SDR42E1: variants seen among roughly 807,000 people sequenced by gnomAD.
SDR42E1 encodes the protein short chain dehydrogenase/reductase family 42E, member 1, also known as short-chain dehydrogenase/reductase family 42E member 1.
A neutral mutation model predicts 2.6 loss-of-function variants in SDR42E1; 5 were observed. That is an observed-to-expected ratio of 1.94 (90% CI 1.01 to 4.08). The LOEUF is 4.08. SDR42E1 is among the 30% of genes most tolerant of loss of function. The pLI, the probability that SDR42E1 is intolerant of heterozygous loss-of-function variation, is 0.00. For missense variants in SDR42E1, 596 were observed against 478.6 expected (o/e 1.25, Z -2.29); for synonymous variants, 231 against 188.3 (o/e 1.23, Z -1.86).
In SDR42E1 at chr16:82,006,354, G is replaced by A. The variant is rs552515043; in HGVS notation, c.-27+5033C>T. ...AATATATTCATGCTAGAGGGCTTAC[G>A]AAATGGTGCTGTTCAAATTCCATGC... On this transcript the variant is annotated intron_variant, in intron 1 of 2. Coordinates refer to ENST00000328945, the MANE Select transcript of SDR42E1 (RefSeq NM_145168.3). 1.2e-3 allele frequency among the ~76,000 whole-genome samples: 179 copies of A among 152,332 alleles called. 3 individuals carry two copies. The highest frequency in any genetic ancestry group is 0.012 in the Admixed American group (177 of 15,300).
At chr16:82,005,790 T>C (rs1241158276) in intron 1 of SDR42E1, among the ~76,000 whole-genome samples, 1 of 152,210 alleles carries the variant, frequency 6.6e-6, no homozygotes, top group East Asian at 1.9e-4. Context: ...GCAGTCATTT[T>C]AGTGGATACA....
At chr16:82,001,959 T>TACACACACACACACAC (rs200680543) in intron 1 of SDR42E1, among the ~76,000 whole-genome samples, 2 of 131,130 alleles carry the variant, frequency 1.5e-5, no homozygotes, top group African/African-American at 7.9e-5. Flanking sequence ...ACTGGGTGCG[T>TACACACACACACACAC]ATACACACAC....
In SDR42E1 at chr16:81,990,642, G is replaced by C. The variant is rs1416309981; in HGVS notation, c.*8469C>G. 1 of 152,210 alleles carries C rather than the reference G, an allele frequency of 6.6e-6. No homozygotes were observed. The highest frequency in any genetic ancestry group is 2.4e-5 in the African/African-American group (1 of 41,432). 9.4% of individuals were successfully genotyped at this position (152,210 alleles called of 1,614,324 possible). Reference sequence around the variant, plus strand: ...TACAAGTTCCCCCAAGAGATAAGCAGGGAATGTTTTATCTCCACTTTACAG... The same window carrying C: ...TACAAGTTCCCCCAAGAGATAAGCACGGAATGTTTTATCTCCACTTTACAG... On this transcript the variant is annotated 3_prime_UTR_variant, in exon 3 of 3. Transcript: ENST00000328945.
At chr16:82,008,134 G>C (rs1913009634) in intron 1 of SDR42E1, among the ~76,000 whole-genome samples, 1 of 152,234 alleles carries the variant, frequency 6.6e-6, no homozygotes, top group Non-Finnish European at 1.5e-5. Context: ...CAGCCACCAT[G>C]TAAGACGTGA....
Position 81,992,451 on chromosome 16 carries a change from C to T in SDR42E1, c.*6660G>A, listed in dbSNP as rs1203866235. On this transcript the variant is annotated 3_prime_UTR_variant, in exon 3 of 3. Coordinates refer to ENST00000328945, the MANE Select transcript of SDR42E1 (RefSeq NM_145168.3). ...TATTATCTATTCAGGACACTAACTC[C>T]TAGTGACTGTTAAGAGCAAAAGACG... 1 of 152,126 alleles carries T rather than the reference C, an allele frequency of 6.6e-6. No individual in the cohort carries two copies. Among genetic ancestry groups the T allele is most frequent in the Non-Finnish European group, 1.5e-5 (1 of 68,020 alleles). 9.4% of individuals were successfully genotyped at this position (152,126 alleles called of 1,614,324 possible).
chr16:81,999,918 A>G lies in SDR42E1; in HGVS notation c.375T>C (p.Asn125=). 1.9e-6 allele frequency: 3 copies of G among 1,614,236 alleles called. No individual in the cohort carries two copies. Among genetic ancestry groups the G allele is most frequent in the Non-Finnish European group, 2.5e-6 (3 of 1,180,030 alleles). Residue 125 remains asparagine, a synonymous_variant, in exon 3 of 3, where the codon AAT becomes AAC. Transcript: ENST00000328945. ...VPRLVYTSTF[N]VIFGGQVIRN... ...TGATAACTTGACCTCCAAAGATGAC[A>G]TTGAAAGTGCTGGTGTAAACTAACC...
chr16:82,001,963 C>T lies in SDR42E1; in HGVS notation c.-26-1079G>A, dbSNP rs1226909693. Reference sequence around the variant, plus strand: ...TCCTCAAAGGCACTGGGTGCGTATACACACACACACACACACACACACACA... The same window carrying T: ...TCCTCAAAGGCACTGGGTGCGTATATACACACACACACACACACACACACA... On this transcript the variant is annotated intron_variant, in intron 1 of 2. Transcript: ENST00000328945. Among the ~76,000 whole-genome samples, 9 of 136,912 alleles carry T rather than the reference C, an allele frequency of 6.6e-5. 1 individual carries two copies. Among genetic ancestry groups the T allele is most frequent in the South Asian group, 2.3e-4 (1 of 4,434 alleles). The allele number at this position is 136,912 out of a possible 152,430, so 89.8% of individuals were successfully genotyped here.
In SDR42E1 at chr16:82,000,258, C is replaced by A. The variant is rs749383790; in HGVS notation, c.69-34G>T. On this transcript the variant is annotated intron_variant, in intron 2 of 2. Transcript: ENST00000328945. ...AGAAACAGTAAACGTTGAATCAAGT[C>A]ACTCTTAAGCTGTGCCTAGGGGAAG... 6 of 1,599,016 alleles carry A rather than the reference C, an allele frequency of 3.8e-6. No homozygotes were observed. The Admixed American group carries it at 8.3e-5, about 22-fold the overall frequency.
intron 1 of SDR42E1, among the ~76,000 whole-genome samples, chr16:82,001,121 G>A (rs56349359): frequency 0.029 from 4,422 of 152,282 alleles, 235 homozygotes; most frequent in African/African-American, 0.1. Context: ...AGGTTAATGT[G>A]GAGGTTAAAT....
chr16:82,008,375 AAC>A, intron 1 of SDR42E1, among the ~76,000 whole-genome samples: 1 of 152,268 alleles, frequency 6.6e-6, no homozygotes, highest in Non-Finnish European at 1.5e-5. Flanking sequence ...CAAAGCCTGC[AAC>A]AGTTTGGAGG....
rs1453581127 is a variant in SDR42E1, at chr16:81,989,503, G to A, written c.*9608C>T. 1 of 152,220 alleles carries A rather than the reference G, an allele frequency of 6.6e-6. No homozygotes were observed. Among genetic ancestry groups the A allele is most frequent in the African/African-American group, 2.4e-5 (1 of 41,462 alleles). 9.4% of individuals were successfully genotyped at this position (152,220 alleles called of 1,614,324 possible). ...AGTTACACAGAAGCACTCTGAATGT[G>A]TAGAAATAAAAGCTTGATGATTTTG... On this transcript the variant is annotated 3_prime_UTR_variant, in exon 3 of 3. Coordinates refer to ENST00000328945, the MANE Select transcript of SDR42E1 (RefSeq NM_145168.3).
rs148157529 is a variant in SDR42E1, at chr16:81,989,558, C to A, written c.*9553G>T. 6.6e-6 allele frequency: 1 copy of A among 152,210 alleles called. No homozygotes were observed. Among genetic ancestry groups the A allele is most frequent in the African/African-American group, 2.4e-5 (1 of 41,458 alleles). 9.4% of individuals were successfully genotyped at this position (152,210 alleles called of 1,614,324 possible). ...GGCTTTCTAGCCCCACAATTTAAAA[C>A]CAACACACACCGCTATGGGTGTTTA... On this transcript the variant is annotated 3_prime_UTR_variant, in exon 3 of 3. Coordinates refer to ENST00000328945, the MANE Select transcript of SDR42E1 (RefSeq NM_145168.3).
Position 81,993,757 on chromosome 16 carries a change from C to T in SDR42E1, c.*5354G>A, listed in dbSNP as rs747342266. 4.6e-5 allele frequency: 7 copies of T among 152,122 alleles called. No individual in the cohort carries two copies. Among genetic ancestry groups the T allele is most frequent in the Admixed American group, 2.0e-4 (3 of 15,274 alleles). 9.4% of individuals were successfully genotyped at this position (152,122 alleles called of 1,614,324 possible). On this transcript the variant is annotated 3_prime_UTR_variant, in exon 3 of 3. Coordinates refer to ENST00000328945, the MANE Select transcript of SDR42E1 (RefSeq NM_145168.3). ...AGACATGGTTCCTGCTCTCATGGGG[C>T]GTTTATGTTCTGGGGAGCAAATCAC...
intron 1 of SDR42E1, among the ~76,000 whole-genome samples, chr16:82,003,475 G>C (rs571538546): frequency 1.3e-5 from 2 of 152,284 alleles, no homozygotes; most frequent in South Asian, 4.1e-4. Context: ...TCCATGACCT[G>C]GTCACAATTT....
chr16:82,000,375 C>T (rs779095729), intron 2 of SDR42E1, 151 bp from the exon 3 acceptor site: 1 of 942,672 alleles, frequency 1.1e-6, no homozygotes, highest in Non-Finnish European at 1.7e-6. Flanking sequence ...TTGGTGCAAG[C>T]CTCGCTTCTT....
Position 81,999,559 on chromosome 16 carries a change from T to TG in SDR42E1, c.733dup (p.His245ProfsTer20), listed in dbSNP as rs777875671. The TG allele has an allele frequency of 6.2e-7, 1 of 1,614,156 alleles. No individual in the cohort carries two copies. Among genetic ancestry groups the TG allele is most frequent in the Non-Finnish European group, 8.5e-7 (1 of 1,180,034 alleles). On this transcript the variant is annotated frameshift_variant, in exon 3 of 3. Coordinates refer to ENST00000328945, the MANE Select transcript of SDR42E1 (RefSeq NM_145168.3). LOFTEE classifies it low-confidence loss of function (END_TRUNC). ...GAAGTAGGGCTGCCCAGAGGCAATATGGCCCTTGTCAGCTCTCAGGGCTTC... is the reference window on the plus strand; with the variant it reads ...GAAGTAGGGCTGCCCAGAGGCAATATGGGCCCTTGTCAGCTCTCAGGGCTTC...
chr16:81,992,446 A>G lies in SDR42E1; in HGVS notation c.*6665T>C, dbSNP rs899921189. The G allele has an allele frequency of 2.6e-5, 4 of 152,182 alleles. No individual in the cohort carries two copies. Among genetic ancestry groups the G allele is most frequent in the Non-Finnish European group, 5.9e-5 (4 of 68,028 alleles). The allele number at this position is 152,182 out of a possible 1,614,324, so 9.4% of individuals were successfully genotyped here. A position where few individuals can be genotyped will look rare whatever the true frequency, so the allele number is the denominator to read the frequency against. On this transcript the variant is annotated 3_prime_UTR_variant, in exon 3 of 3. Transcript: ENST00000328945. ...CTTATTATTATCTATTCAGGACACT[A>G]ACTCCTAGTGACTGTTAAGAGCAAA...
chr16:82,007,587 C>G (rs370419364), intron 1 of SDR42E1: 1 of 152,216 alleles, frequency 6.6e-6, no homozygotes, highest in East Asian at 1.9e-4. Flanking sequence ...TTCATCTTAA[C>G]GCAGCAGCAC....
Position 81,994,396 on chromosome 16 carries a change from C to G in SDR42E1, c.*4715G>C, listed in dbSNP as rs533444543. 28 of 152,384 alleles carry G rather than the reference C, an allele frequency of 1.8e-4. No homozygotes were observed. The highest frequency in any genetic ancestry group is 6.0e-4 in the African/African-American group (25 of 41,574). 9.4% of individuals were successfully genotyped at this position (152,384 alleles called of 1,614,324 possible). ...CTGAAAGGGTTTCTCTAAACCTGCT[C>G]TGGGAGAAAGGCTGAAAGGATGACG... On this transcript the variant is annotated 3_prime_UTR_variant, in exon 3 of 3. Transcript: ENST00000328945.
Sources: allele counts gnomAD v4.1 joint callset (sites outside exome capture counted in the v4.1 genomes callset), GRCh38; gene constraint gnomAD v4.1.1; transcripts MANE v1.5; gene names NCBI Gene and HGNC (gene_info 2026-07-23, HGNC 2026-07-21).